The following ACTR3C variants were observed in gnomAD, a reference collection of about 807,000 sequenced individuals.
ACTR3C encodes actin related protein 3C, also known as actin-related protein 3C.
A neutral mutation model predicts 26.3 loss-of-function variants in ACTR3C; 18 were observed. That is an observed-to-expected ratio of 0.68 (90% CI 0.47 to 1.01). The LOEUF is 1.01. Among genes scored for constraint, ACTR3C ranks in the 50% least tolerant of loss-of-function variants. The pLI is 0.00. For synonymous variants in ACTR3C, 55 were observed against 94.5 expected, an observed-to-expected ratio of 0.58 and a Z score of 2.42; for missense variants, 184 against 250.7, an observed-to-expected ratio of 0.73 and a Z score of 1.80.
the ACTR3C span, among the ~76,000 whole-genome samples, chr7:149,932,480 G>A: frequency 1.8e-4 from 27 of 152,170 alleles, no homozygotes; most frequent in Non-Finnish European, 3.7e-4. Context: ...TTTATGGTAT[G>A]TAAATTATAC....
At chr7:150,092,968 C>T in the ACTR3C span, among the ~76,000 whole-genome samples, 1 of 151,552 alleles carries the variant, frequency 6.6e-6, no homozygotes, top group Non-Finnish European at 1.5e-5. Flanking sequence ...GGCCCTCTGA[C>T]ACATTCTTTG....
At chr7:149,930,260 A>T in the ACTR3C span, among the ~76,000 whole-genome samples, 2 of 152,288 alleles carry the variant, frequency 1.3e-5, no homozygotes, top group South Asian at 2.1e-4. Flanking sequence ...TCTGATTTTG[A>T]TGATTGGAAT....
chr7:150,090,320 G>A, the ACTR3C span, among the ~76,000 whole-genome samples: 25 of 152,264 alleles, frequency 1.6e-4, no homozygotes, highest in Non-Finnish European at 2.9e-4. Context: ...ACATGCCAGA[G>A]CCCTCTGGGC....
the ACTR3C span, among the ~76,000 whole-genome samples, chr7:149,884,208 C>T: frequency 3.3e-5 from 5 of 152,290 alleles, no homozygotes; most frequent in African/African-American, 1.2e-4. Context: ...AAGCTTTGGG[C>T]TTCCGGGAAT....
intron 1 of ACTR3C, among the ~76,000 whole-genome samples, chr7:150,303,428 G>GA (rs914154363): frequency 4.0e-4 from 61 of 152,314 alleles, no homozygotes; most frequent in African/African-American, 1.3e-3. Context: ...ATTTATTTAA[G>GA]AAAAATAAAG....
chr7:149,948,656 A>C, the ACTR3C span, among the ~76,000 whole-genome samples: 44,827 of 148,588 alleles, frequency 0.3, 3,235 homozygotes, highest in African/African-American at 0.42. Flanking sequence ...GTCAGGTGTG[A>C]GTCAGACGGG....
the ACTR3C span, among the ~76,000 whole-genome samples, chr7:150,033,839 G>GA: frequency 4.7e-5 from 7 of 150,470 alleles, no homozygotes; most frequent in Non-Finnish European, 5.9e-5. Context: ...CCTCGTGGGG[G>GA]GTGCCTCCGC....
chr7:150,105,671 T>C, the ACTR3C span, among the ~76,000 whole-genome samples: 2 of 152,060 alleles, frequency 1.3e-5, no homozygotes, highest in African/African-American at 4.8e-5. Context: ...CTTATAAATG[T>C]AAAAGACATT....
At chr7:150,237,528 C>T in the ACTR3C span, among the ~76,000 whole-genome samples, 518 of 152,148 alleles carry the variant, frequency 3.4e-3, 2 homozygotes, top group Non-Finnish European at 5.9e-3. Flanking sequence ...ACTTGACTAA[C>T]AGCACACCCT....
the ACTR3C span, among the ~76,000 whole-genome samples, chr7:150,064,842 T>C: frequency 6.6e-6 from 1 of 152,092 alleles, no homozygotes; most frequent in African/African-American, 2.4e-5. Flanking sequence ...TCTCCTATTT[T>C]CATCAATAGA....
At chr7:149,908,838 G>A in the ACTR3C span, among the ~76,000 whole-genome samples, 2 of 151,050 alleles carry the variant, frequency 1.3e-5, no homozygotes, top group African/African-American at 2.4e-5. Flanking sequence ...CTGGAGTGCA[G>A]TGGCACGATC....
chr7:150,003,894 GGTGT>G, the ACTR3C span, among the ~76,000 whole-genome samples: 1 of 57,976 alleles, frequency 1.7e-5, no homozygotes, highest in Non-Finnish European at 3.8e-5. Flanking sequence ...GGGTGTGTGT[GGTGT>G]GTGTGTGTGG....
chr7:150,159,477 G>A, the ACTR3C span, among the ~76,000 whole-genome samples: 5 of 152,168 alleles, frequency 3.3e-5, no homozygotes, highest in African/African-American at 1.2e-4. Flanking sequence ...TAGCTTTGGC[G>A]GACAACGTCT....
At chr7:150,039,600 G>A in the ACTR3C span, among the ~76,000 whole-genome samples, 14 of 142,150 alleles carry the variant, frequency 9.8e-5, no homozygotes, top group South Asian at 2.2e-4. Flanking sequence ...GGTACCTGCC[G>A]TCGGAAGATT....
chr7:149,943,132 A>G, the ACTR3C span, among the ~76,000 whole-genome samples: 6,513 of 149,806 alleles, frequency 0.043, 500 homozygotes, highest in African/African-American at 0.15. Context: ...ATAAAGTTTT[A>G]TTGGTACACA....
the ACTR3C span, among the ~76,000 whole-genome samples, chr7:150,085,894 T>C: frequency 6.6e-6 from 1 of 151,966 alleles, no homozygotes; most frequent in African/African-American, 2.4e-5. Context: ...TTTTAGAACA[T>C]GGAGGGGTAT....
chr7:150,191,574 T>C, the ACTR3C span, among the ~76,000 whole-genome samples: 1 of 152,208 alleles, frequency 6.6e-6, no homozygotes, highest in Non-Finnish European at 1.5e-5. Context: ...CTTGTGACCT[T>C]GCTAAACTCA....
At chr7:149,939,146 A>G in the ACTR3C span, among the ~76,000 whole-genome samples, 1 of 151,876 alleles carries the variant, frequency 6.6e-6, no homozygotes, top group African/African-American at 2.4e-5. Context: ...ACGCCCAGCT[A>G]ATTTTGCATT....
intron 6 of ACTR3C, among the ~76,000 whole-genome samples, chr7:150,278,077 C>T (rs1835030615): frequency 6.6e-6 from 1 of 152,174 alleles, no homozygotes; most frequent in Non-Finnish European, 1.5e-5. Context: ...AGGCTTCACA[C>T]TCCCCATTCC....
Sources: allele counts gnomAD v4.1 joint callset (sites outside exome capture counted in the v4.1 genomes callset), GRCh38; gene constraint gnomAD v4.1.1; transcripts MANE v1.5; gene names NCBI Gene and HGNC (gene_info 2026-07-23, HGNC 2026-07-21).